The following PARP12 variants were observed in gnomAD, a reference collection of about 807,000 sequenced individuals.
PARP12 encodes the protein protein mono-ADP-ribosyltransferase PARP12.
A neutral mutation model predicts 72.4 loss-of-function variants in PARP12; 59 were observed. That is an observed-to-expected ratio of 0.81 (90% confidence interval 0.66 to 1.01). The LOEUF is 1.01. Among genes scored for constraint, PARP12 ranks in the 50% least tolerant of loss-of-function variants. The probability of loss-of-function intolerance (pLI) is 0.00; values close to 1 mark genes in which losing one functional copy is unlikely to be tolerated. For synonymous variants in PARP12, 403 were observed against 371.4 expected (o/e 1.09, Z -0.98); for missense variants, 851 against 914.0 (o/e 0.93, Z 0.89).
chr7:140,061,983 CG>C (rs34674660), intron 1 of PARP12, among the ~76,000 whole-genome samples: 33,400 of 89,424 alleles, frequency 0.37, 3,747 homozygotes, highest in East Asian at 0.52. Flanking sequence ...CAGAAATGCC[CG>C]GGGGGGGGGG....
chr7:140,033,500 T>A (rs1816026805), intron 8 of PARP12: 1 of 985,446 alleles, frequency 1.0e-6, no homozygotes, highest in Non-Finnish European at 1.2e-6. Flanking sequence ...ATGGGCACTG[T>A]GGTCCCTCTC....
At chr7:140,062,315 G>A (rs1225924081) in intron 1 of PARP12, among the ~76,000 whole-genome samples, 1 of 152,082 alleles carries the variant, frequency 6.6e-6, no homozygotes, top group Non-Finnish European at 1.5e-5. Flanking sequence ...GCGTCTAGAG[G>A]ACCCCACTCG....
Position 140,041,789 on chromosome 7 carries a change from A to C in PARP12, c.1037T>G (p.Phe346Cys). The change falls in exon 6 of 12, where the codon TTT becomes TGT. Residue 346 changes from phenylalanine to cysteine, a missense_variant. Coordinates refer to ENST00000263549, the MANE Select transcript of PARP12 (RefSeq NM_022750.4). The stretch of plus-strand genomic sequence containing the variant: ...GGTAGCACCGTAAGTCATGGCGTTA[A>C]AGTTCAGACAATGAGAGTGAAAGGT... Reference protein sequence around the residue: ...ASTFHSHCLNFNAMTYGATQA... With the variant: ...ASTFHSHCLNCNAMTYGATQA... 2 of 1,614,140 alleles carry C rather than the reference A, an allele frequency of 1.2e-6. No individual in the cohort carries two copies. The highest frequency in any genetic ancestry group is 1.1e-5 in the South Asian group (1 of 91,088).
intron 11 of PARP12, chr7:140,025,419 G>A (rs927688183): frequency 6.6e-5 from 21 of 320,036 alleles, no homozygotes; most frequent in Middle Eastern, 3.9e-4. Context: ...CCTTGCCATC[G>A]CTGCCTCAGA....
At chr7:140,052,666 A>G (rs112328933) in intron 4 of PARP12, among the ~76,000 whole-genome samples, 1 of 151,834 alleles carries the variant, frequency 6.6e-6, no homozygotes, top group African/African-American at 2.4e-5. Context: ...TTGGTGCAAA[A>G]CTTTTGAACT....
chr7:140,045,857 A>T (rs2116607150), intron 5 of PARP12, among the ~76,000 whole-genome samples: 1 of 152,292 alleles, frequency 6.6e-6, no homozygotes, highest in East Asian at 1.9e-4. Context: ...TAGTTTGCCC[A>T]TTTGGAGGGT....
At chr7:140,032,583 C>T (rs1441546068) in intron 8 of PARP12, among the ~76,000 whole-genome samples, 1 of 151,868 alleles carries the variant, frequency 6.6e-6, no homozygotes, top group African/African-American at 2.4e-5. Flanking sequence ...GAAAAGGGGA[C>T]ATATTAAGTA....
At chr7:140,039,457 G>T (rs895739748) in intron 6 of PARP12, among the ~76,000 whole-genome samples, 1 of 152,124 alleles carries the variant, frequency 6.6e-6, no homozygotes, top group Non-Finnish European at 1.5e-5. Flanking sequence ...CTCAGTGGGA[G>T]GTTTGGAAGG....
In PARP12 at chr7:140,024,252, A is replaced by C; in HGVS notation, c.*308T>G. ...AATTAAAACCAATCCATAAAATTGT[A>C]TCTAGAAACTCTGTCCCTGGTGCCA... On this transcript the variant is annotated 3_prime_UTR_variant, in exon 12 of 12. Transcript: ENST00000263549. 5 of 382,764 alleles carry C rather than the reference A, an allele frequency of 1.3e-5. No homozygotes were observed. Among genetic ancestry groups the C allele is most frequent in the South Asian group, 1.2e-4 (5 of 43,182 alleles). 23.7% of individuals were successfully genotyped at this position (382,764 alleles called of 1,614,324 possible).
At chr7:140,038,438 A>G (rs778027305) in intron 6 of PARP12, 207 of 409,696 alleles carry the variant, frequency 5.1e-4, no homozygotes, top group Non-Finnish European at 6.5e-4. Context: ...TGCTGGCTCT[A>G]TAACTTTGGC....
At position 140,026,206 on chromosome 7, in the gene PARP12, A is replaced by G; in HGVS notation, c.1771T>C (p.Tyr591His). ...GCCAGTCATGCCTTACCCTTGCCGTAGGAAGTGCCATGAACACCACAGACC... is the reference window on the plus strand; with the variant it reads ...GCCAGTCATGCCTTACCCTTGCCGTGGGAAGTGCCATGAACACCACAGACC... ...WRVCGVHGTS[Y>H]GKGSYFARDA... The change falls in exon 11 of 12, where the codon TAC (tyrosine) becomes CAC (histidine). Residue 591 changes from tyrosine (Y) to histidine (H), a missense_variant. Physicochemically the swap from Tyr to His is moderately conservative, Grantham distance 83. Transcript: ENST00000263549. 6.2e-7 allele frequency: 1 copy of G among 1,614,178 alleles called. No homozygotes were observed. The highest frequency in any genetic ancestry group is 8.5e-7 in the Non-Finnish European group (1 of 1,180,046).
chr7:140,057,575 A>G lies in PARP12; in HGVS notation c.462+324T>C, dbSNP rs1817239566. On this transcript the variant is annotated intron_variant, in intron 2 of 11. Transcript: ENST00000263549. ...ACAATTCAAAGTCAAAGAGGCTCTG[A>G]GGGCTTAAAGCATCTTAGAGAAGGC... is the stretch of plus-strand genomic sequence containing the variant. 7.7e-6 allele frequency: 3 copies of G among 387,284 alleles called. No homozygotes were observed. The South Asian group carries it at 1.4e-4, about 18-fold the overall frequency. The allele number at this position is 387,284 out of a possible 1,614,324, so 24.0% of individuals were successfully genotyped here.
intron 7 of PARP12, among the ~76,000 whole-genome samples, chr7:140,037,151 C>T (rs1434854648): frequency 6.6e-6 from 1 of 152,152 alleles, no homozygotes; most frequent in Non-Finnish European, 1.5e-5. Flanking sequence ...GATGAAACCC[C>T]GTCTCTATGA....
intron 4 of PARP12, among the ~76,000 whole-genome samples, chr7:140,053,827 C>G (rs887189918): frequency 6.6e-6 from 1 of 152,136 alleles, no homozygotes; most frequent in Non-Finnish European, 1.5e-5. Flanking sequence ...TGTTAAGATG[C>G]AGATTGAATA....
At chr7:140,031,810 G>T (rs1489433749) in intron 8 of PARP12, among the ~76,000 whole-genome samples, 7 of 152,040 alleles carry the variant, frequency 4.6e-5, no homozygotes, top group Admixed American at 4.6e-4. Context: ...TATAGGAAAA[G>T]AATAAAAAAT....
intron 6 of PARP12, among the ~76,000 whole-genome samples, chr7:140,039,413 GAGCAGAA>G (rs1234548184): frequency 1.3e-5 from 2 of 152,318 alleles, no homozygotes; most frequent in Middle Eastern, 3.4e-3. Flanking sequence ...GCAGGTGGAT[GAGCAGAA>G]AGCAAAAAGC....
intron 3 of PARP12, among the ~76,000 whole-genome samples, chr7:140,056,162 CCCA>C (rs2116657786): frequency 6.6e-6 from 1 of 152,314 alleles, no homozygotes; most frequent in African/African-American, 2.4e-5. Flanking sequence ...ATTCATCTGC[CCCA>C]CAAGAGGTAC....
chr7:140,050,740 C>T (rs1249154729), intron 4 of PARP12, among the ~76,000 whole-genome samples: 1 of 152,028 alleles, frequency 6.6e-6, no homozygotes, highest in South Asian at 2.1e-4. Flanking sequence ...AGGAAAACAC[C>T]ATAAGAGAAA....
At position 140,037,695 on chromosome 7, in the gene PARP12, G is replaced by A. The variant is rs961184777; in HGVS notation, c.1324+20C>T. The A allele has an allele frequency of 9.3e-6, 15 of 1,612,072 alleles. No homozygotes were observed. The highest frequency in any genetic ancestry group is 2.7e-5 in the African/African-American group (2 of 74,912). The stretch of plus-strand genomic sequence containing the variant: ...CCAACACAGGCAGGCTCTGCTGGGC[G>A]AGGGCAGGGCACAGGATACCTTTGA... On this transcript the variant is annotated intron_variant, in intron 7 of 11. Coordinates refer to ENST00000263549, the MANE Select transcript of PARP12 (RefSeq NM_022750.4).
Sources: allele counts gnomAD v4.1 joint callset (sites outside exome capture counted in the v4.1 genomes callset), GRCh38; gene constraint gnomAD v4.1.1; transcripts MANE v1.5; gene names NCBI Gene and HGNC (gene_info 2026-07-23, HGNC 2026-07-21).